Variants in KIAA1958 observed in about 807,000 individuals in gnomAD.
The protein encoded by KIAA1958 is uncharacterized protein KIAA1958.
Under a neutral mutation model 47.2 loss-of-function variants are expected in KIAA1958, and 14 were observed. The ratio of observed to expected loss-of-function variants is 0.30; its 90% CI spans 0.20 to 0.46. The LOEUF (loss-of-function observed/expected upper bound fraction) is 0.46. KIAA1958 is among the 20% of genes least tolerant of loss of function. The pLI is 1.00. For synonymous variants in KIAA1958, 354 were observed against 353.3 expected, an observed-to-expected ratio of 1.00 and a Z score of -0.02; for missense variants, 803 against 909.2, an observed-to-expected ratio of 0.88 and a Z score of 1.50.
At chr9:112,593,057 A>C (rs928994581) in intron 2 of KIAA1958, among the ~76,000 whole-genome samples, 1 of 152,244 alleles carries the variant, frequency 6.6e-6, no homozygotes, top group Non-Finnish European at 1.5e-5. Flanking sequence ...AAGAGTAGGA[A>C]TTGAAAGAGT....
At chr9:112,509,468 C>G (rs1834287721) in intron 1 of KIAA1958, among the ~76,000 whole-genome samples, 1 of 152,086 alleles carries the variant, frequency 6.6e-6, no homozygotes, top group East Asian at 1.9e-4. Context: ...CCCGCCAGGC[C>G]CATTCTTAAT....
At chr9:112,560,756 A>G (rs1237314008) in intron 1 of KIAA1958, among the ~76,000 whole-genome samples, 2 of 152,130 alleles carry the variant, frequency 1.3e-5, no homozygotes, top group Admixed American at 6.6e-5. Context: ...AGATCATGGC[A>G]TCTATTATCC....
rs1432104425 is a variant in KIAA1958 at position 112,515,704 on chromosome 9, A to G, written c.-25+28586A>G. On this transcript the variant is annotated intron_variant, in intron 1 of 3. Coordinates refer to ENST00000337530, the MANE Select transcript of KIAA1958 (RefSeq NM_133465.4). ...GAAGGCAGCATGCTCGTTAAGAGTC[A>G]TCACCAATCCCTAATCTCAAGTAAT... 6.3e-5 allele frequency among the ~76,000 whole-genome samples: 5 copies of G among 79,380 alleles called. No homozygotes were observed. In the South Asian group the frequency reaches 2.5e-3, roughly 40 times the overall value. The allele number at this position is 79,380 out of a possible 152,430, so 52.1% of individuals were successfully genotyped here. A position where few individuals can be genotyped will look rare whatever the true frequency, so the allele number is the denominator to read the frequency against.
intron 1 of KIAA1958, among the ~76,000 whole-genome samples, chr9:112,537,640 T>A (rs1255336525): frequency 6.6e-6 from 1 of 152,174 alleles, no homozygotes; most frequent in Non-Finnish European, 1.5e-5. Context: ...AATCTGATGA[T>A]ATGCAAGGTT....
At chr9:112,635,212 TTTTGTGTGTGTG>T (rs1364872088) in intron 2 of KIAA1958, among the ~76,000 whole-genome samples, 1 of 130,436 alleles carries the variant, frequency 7.7e-6, no homozygotes, top group African/African-American at 3.1e-5. Context: ...AGATTCTTTA[TTTTGTGTGTGTG>T]TGTGTGTGTG....
intron 1 of KIAA1958, among the ~76,000 whole-genome samples, chr9:112,512,586 ACT>A (rs1834341141): frequency 6.6e-6 from 1 of 152,214 alleles, no homozygotes; most frequent in African/African-American, 2.4e-5. Flanking sequence ...AATTCAGATG[ACT>A]CTGTCTCATC....
At chr9:112,601,296 A>G (rs1393061923) in intron 2 of KIAA1958, among the ~76,000 whole-genome samples, 3 of 152,200 alleles carry the variant, frequency 2.0e-5, no homozygotes, top group African/African-American at 7.2e-5. Flanking sequence ...TTTTTCACTG[A>G]ACAAAAATCA....
intron 2 of KIAA1958, among the ~76,000 whole-genome samples, chr9:112,621,079 C>G (rs1195601781): frequency 6.6e-6 from 1 of 152,098 alleles, no homozygotes; most frequent in Non-Finnish European, 1.5e-5. Context: ...ATTTAAGTTT[C>G]TCAGTACCAG....
intron 1 of KIAA1958, among the ~76,000 whole-genome samples, chr9:112,533,214 A>T (rs970356303): frequency 6.6e-6 from 1 of 151,964 alleles, no homozygotes; most frequent in African/African-American, 2.4e-5. Context: ...TTTTTAAGGG[A>T]TGTATTAATC....
chr9:112,554,422 C>T (rs1056291145), intron 1 of KIAA1958, among the ~76,000 whole-genome samples: 4 of 152,048 alleles, frequency 2.6e-5, no homozygotes, highest in Middle Eastern at 3.4e-3. Flanking sequence ...CGCTTGAACC[C>T]GGGAGGCAGA....
chr9:112,609,842 A>G (rs935847387), intron 2 of KIAA1958, among the ~76,000 whole-genome samples: 1 of 152,076 alleles, frequency 6.6e-6, no homozygotes, highest in South Asian at 2.1e-4. Context: ...TTGAACCTCC[A>G]TGCCTGGCCA....
intron 2 of KIAA1958, among the ~76,000 whole-genome samples, chr9:112,607,815 T>C (rs1418851620): frequency 2.0e-5 from 3 of 149,448 alleles, no homozygotes; most frequent in Admixed American, 6.6e-5. Flanking sequence ...ATGCTGACCA[T>C]TGGCTTTTCT....
chr9:112,663,903 C>G lies in KIAA1958; in HGVS notation c.*3834C>G, dbSNP rs1170574900. The stretch of plus-strand genomic sequence containing the variant: ...CACTCAGCATTTTCATAGACATAGT[C>G]ATTAGGAGAATCTGGACAAAGTAAT... On this transcript the variant is annotated 3_prime_UTR_variant, in exon 4 of 4. Coordinates refer to ENST00000337530, the MANE Select transcript of KIAA1958 (RefSeq NM_133465.4). 6.6e-6 allele frequency: 1 copy of G among 152,228 alleles called. No homozygotes were observed. Among genetic ancestry groups the G allele is most frequent in the Non-Finnish European group, 1.5e-5 (1 of 68,038 alleles). 9.4% of individuals were successfully genotyped at this position (152,228 alleles called of 1,614,324 possible).
intron 2 of KIAA1958, among the ~76,000 whole-genome samples, chr9:112,598,739 A>C (rs1194027822): frequency 6.6e-6 from 1 of 152,200 alleles, no homozygotes; most frequent in Non-Finnish European, 1.5e-5. Context: ...GAAGTGTATA[A>C]TTAAGACAGA....
At chr9:112,568,936 T>TAAAAAAAAA (rs57898820) in intron 1 of KIAA1958, among the ~76,000 whole-genome samples, 18 of 36,452 alleles carry the variant, frequency 4.9e-4, no homozygotes, top group East Asian at 2.1e-3. Flanking sequence ...ATAGGAAAAC[T>TAAAAAAAAA]AAAAAAAAAA....
intron 2 of KIAA1958, among the ~76,000 whole-genome samples, chr9:112,643,130 A>G (rs1395148174): frequency 6.6e-6 from 1 of 152,222 alleles, no homozygotes; most frequent in African/African-American, 2.4e-5. Context: ...GCATTTTTTC[A>G]TAAGCACAAG....
Position 112,663,603 on chromosome 9 carries a change from A to G in KIAA1958, c.*3534A>G, listed in dbSNP as rs1258227554. 6.6e-6 allele frequency: 1 copy of G among 152,174 alleles called. No individual in the cohort carries two copies. Among genetic ancestry groups the G allele is most frequent in the Non-Finnish European group, 1.5e-5 (1 of 68,042 alleles). 9.4% of individuals were successfully genotyped at this position (152,174 alleles called of 1,614,324 possible). ...TCTGATACCTCAGATATAAGCAAAA[A>G]CAAGTGAAGGAAGAACAGAAAAGCC... On this transcript the variant is annotated 3_prime_UTR_variant, in exon 4 of 4. Coordinates refer to ENST00000337530, the MANE Select transcript of KIAA1958 (RefSeq NM_133465.4).
rs1046058864 is a variant in KIAA1958 at position 112,666,705 on chromosome 9, A to C, written c.*6636A>C. ...AGTAGCTCAATTCCTGGCTTACTTCATGAAACAGGCCCTGTGAAATTAAAA... is the reference window on the plus strand; with the variant it reads ...AGTAGCTCAATTCCTGGCTTACTTCCTGAAACAGGCCCTGTGAAATTAAAA... On this transcript the variant is annotated 3_prime_UTR_variant, in exon 4 of 4. Coordinates refer to ENST00000337530, the MANE Select transcript of KIAA1958 (RefSeq NM_133465.4). The C allele has an allele frequency of 2.6e-5, 4 of 152,350 alleles. No homozygotes were observed. The East Asian group carries it at 7.7e-4, about 29-fold the overall frequency. The allele number at this position is 152,350 out of a possible 1,614,324, so 9.4% of individuals were successfully genotyped here.
At chr9:112,508,013 A>G (rs558841206) in intron 1 of KIAA1958, among the ~76,000 whole-genome samples, 1 of 152,110 alleles carries the variant, frequency 6.6e-6, no homozygotes, top group Non-Finnish European at 1.5e-5. Flanking sequence ...TTTCTTATTA[A>G]ATACATATCT....
Sources: allele counts gnomAD v4.1 joint callset (sites outside exome capture counted in the v4.1 genomes callset), GRCh38; gene constraint gnomAD v4.1.1; transcripts MANE v1.5; gene names NCBI Gene and HGNC (gene_info 2026-07-23, HGNC 2026-07-21).